Variants in NDUFS8 observed in about 807,000 individuals in gnomAD.
NDUFS8 encodes the protein NADH:ubiquinone oxidoreductase core subunit S8.
Under a neutral mutation model 25.6 loss-of-function variants are expected in NDUFS8, and 13 were observed. The observed-to-expected ratio is 0.51, with a 90% CI of 0.33 to 0.81. The LOEUF (loss-of-function observed/expected upper bound fraction) is 0.81, where lower values mean the gene tolerates loss of function less well. Among genes scored for constraint, NDUFS8 ranks in the 30% least tolerant of loss-of-function variants. The pLI is 0.02. For synonymous variants in NDUFS8, 119 were observed against 119.4 expected (o/e 1.00, Z 0.02); for missense variants, 257 against 300.9 (o/e 0.85, Z 1.08).
rs751553766 is a variant in NDUFS8, at chr11:68,036,561, G to T, written c.601G>T (p.Ala201Ser). The T allele has an allele frequency of 6.2e-7, 1 of 1,614,006 alleles. No homozygotes were observed. Among genetic ancestry groups the T allele is most frequent in the African/African-American group, 1.3e-5 (1 of 75,042 alleles). Residue 201 changes from alanine (A) to serine (S), a missense_variant, in exon 7 of 7, where the codon GCC becomes TCC. Ala to Ser is a moderately conservative substitution (Grantham distance 99). Transcript: ENST00000313468. ...GGACAAGTGGGAGGCCGAGATCGCCGCCAACATCCAGGCTGACTACTTGTA... is the reference window on the plus strand; with the variant it reads ...GGACAAGTGGGAGGCCGAGATCGCCTCCAACATCCAGGCTGACTACTTGTA... ...NGDKWEAEIA[A>S]NIQADYLYR
At chr11:68,033,068 G>A (rs1230701450) in intron 4 of NDUFS8, 43 bp from the exon 5 acceptor site, 8 of 1,613,260 alleles carry the variant, frequency 5.0e-6, no homozygotes, top group Non-Finnish European at 6.8e-6. Flanking sequence ...GGATGCATGG[G>A]GGAGGAGGGT....
intron 5 of NDUFS8, 37 bp downstream of exon 5, chr11:68,033,320 C>A: frequency 6.3e-7 from 1 of 1,584,768 alleles, no homozygotes; most frequent in Non-Finnish European, 8.5e-7. Context: ...ACGCCAGCCC[C>A]TGCCACTGGG....
intron 5 of NDUFS8, chr11:68,035,107 G>C (rs971846592): frequency 6.6e-6 from 1 of 151,930 alleles, no homozygotes. Context: ...TGTAGGCTGC[G>C]AAGTGTCTAA....
rs1854806724 is a variant in NDUFS8, at chr11:68,033,205, G to A, written c.294G>A (p.Glu98=). The change falls in exon 5 of 7, where the codon GAG becomes GAA. Residue 98 remains glutamate (E), a synonymous_variant. Coordinates refer to ENST00000313468, the MANE Select transcript of NDUFS8 (RefSeq NM_002496.4). Reference sequence around the variant, plus strand: ...CGCTGAGCCCTCGCTTCCGTGGGGAGCATGCGCTGCGCCGGTACCCATCCG... The same window carrying A: ...CGCTGAGCCCTCGCTTCCGTGGGGAACATGCGCTGCGCCGGTACCCATCCG... The part of the protein sequence containing the change: ...KGPLSPRFRG[E]HALRRYPSGE... 2.5e-6 allele frequency: 4 copies of A among 1,612,210 alleles called. No individual in the cohort carries two copies. In the East Asian group the frequency reaches 8.9e-5, roughly 36 times the overall value.
chr11:68,036,110 C>T lies in NDUFS8; in HGVS notation c.373-143C>T, dbSNP rs993074217. The T allele has an allele frequency of 6.1e-5, 81 of 1,333,994 alleles. No individual in the cohort carries two copies. In the Middle Eastern group the frequency reaches 7.6e-4, roughly 12 times the overall value. The allele number at this position is 1,333,994 out of a possible 1,614,324, so 82.6% of individuals were successfully genotyped here. ...AGGCGCGAGCACCAGAGGTGCAGGGCGGCCTCTTAGCCGGAGTCCAGGAGG... is the reference window on the plus strand; with the variant it reads ...AGGCGCGAGCACCAGAGGTGCAGGGTGGCCTCTTAGCCGGAGTCCAGGAGG... On this transcript the variant is annotated intron_variant, in intron 5 of 6. Transcript: ENST00000313468.
rs1854890669 is a variant in NDUFS8 at position 68,036,330 on chromosome 11, C to T, written c.450C>T (p.Cys150=). Residue 150 remains cysteine (C), a synonymous_variant, in exon 6 of 7, where the codon TGC becomes TGT. Coordinates refer to ENST00000313468, the MANE Select transcript of NDUFS8 (RefSeq NM_002496.4). ...GCTATGACATCGACATGACCAAGTG[C>T]ATCTACTGCGGCTTCTGCCAGGAGG... is the stretch of plus-strand genomic sequence containing the variant. ...TTRYDIDMTK[C]IYCGFCQEAC... 1 of 1,613,780 alleles carries T rather than the reference C, an allele frequency of 6.2e-7. No homozygotes were observed. Among genetic ancestry groups the T allele is most frequent in the Non-Finnish European group, 8.5e-7 (1 of 1,180,004 alleles).
chr11:68,034,742 G>A (rs1854847307), intron 5 of NDUFS8: 2 of 151,014 alleles, frequency 1.3e-5, no homozygotes, highest in Admixed American at 1.3e-4. Flanking sequence ...TGAACCGGGA[G>A]GTGGGGGTTG....
At chr11:68,034,768 GAAAAAAA>G (rs558072699) in intron 5 of NDUFS8, 1 of 115,854 alleles carries the variant, frequency 8.6e-6, no homozygotes, top group Non-Finnish European at 1.8e-5. Context: ...AGCCAAAATT[GAAAAAAA>G]AAAAAAAAAT....
intron 5 of NDUFS8, chr11:68,033,924 G>A (rs925998540): frequency 6.8e-5 from 11 of 162,018 alleles, no homozygotes; most frequent in African/African-American, 2.6e-4. Flanking sequence ...TCCAGGCCAT[G>A]AGCTGCGGCC....
Position 68,032,317 on chromosome 11 carries a change from T to C in NDUFS8, c.90T>C (p.Ser30=). Residue 30 remains serine (S), a synonymous_variant, in exon 3 of 7, where the codon AGT becomes AGC. Coordinates refer to ENST00000313468, the MANE Select transcript of NDUFS8 (RefSeq NM_002496.4). ...GPPGGRSLHS[S]AVAATYKYVN... is the part of the protein sequence containing the mutation. ...CTGGTGGCCGGAGCCTCCACAGCAG[T>C]GCAGTGGCAGCCACCTACAGTGAGT... 2 of 1,613,612 alleles carry C rather than the reference T, an allele frequency of 1.2e-6. No homozygotes were observed. The highest frequency in any genetic ancestry group is 1.7e-6 in the Non-Finnish European group (2 of 1,179,998).
chr11:68,032,586 C>T, intron 3 of NDUFS8: 1 of 1,357,766 alleles, frequency 7.4e-7, no homozygotes, highest in East Asian at 2.5e-5. Context: ...AGGTGTGAGC[C>T]ATGGGTACCT....
In NDUFS8 at chr11:68,032,351, G is replaced by A. The variant is rs745923537; in HGVS notation, c.109+15G>A. 6.2e-7 allele frequency: 1 copy of A among 1,612,934 alleles called. No individual in the cohort carries two copies. On this transcript the variant is annotated intron_variant, in intron 3 of 6. Coordinates refer to ENST00000313468, the MANE Select transcript of NDUFS8 (RefSeq NM_002496.4). Reference sequence around the variant, plus strand: ...AGCCACCTACAGTGAGTACCTGGGTGGCCTCTAGCCTCAGGTGTTCCTGAC... The same window carrying A: ...AGCCACCTACAGTGAGTACCTGGGTAGCCTCTAGCCTCAGGTGTTCCTGAC...
chr11:68,035,708 G>T (rs527387540), intron 5 of NDUFS8: 202 of 455,052 alleles, frequency 4.4e-4, no homozygotes, highest in African/African-American at 2.3e-3. Context: ...CTTGGCAGAT[G>T]ACGCCAGCAG....
chr11:68,036,627 A>G lies in NDUFS8; in HGVS notation c.*34A>G. 1 of 1,612,170 alleles carries G rather than the reference A, an allele frequency of 6.2e-7. No homozygotes were observed. Among genetic ancestry groups the G allele is most frequent in the Non-Finnish European group, 8.5e-7 (1 of 1,179,786 alleles). ...CGGCCCGCAGCCCCTGCTGCCCAAT[A>G]AAACCACTCCGACCCCACGGCCTCT... On this transcript the variant is annotated 3_prime_UTR_variant, in exon 7 of 7. Coordinates refer to ENST00000313468, the MANE Select transcript of NDUFS8 (RefSeq NM_002496.4).
At chr11:68,032,517 T>C in intron 3 of NDUFS8, 181 bp downstream of exon 3, 3 of 1,506,626 alleles carry the variant, frequency 2.0e-6, no homozygotes, top group Non-Finnish European at 2.7e-6. Context: ...GGTCCATCAT[T>C]GCCGAGGTTA....
At chr11:68,033,478 G>C (rs905347409) in intron 5 of NDUFS8, 195 bp downstream of exon 5, 1 of 743,492 alleles carries the variant, frequency 1.3e-6, no homozygotes, top group Admixed American at 2.2e-5. Flanking sequence ...TGAGTTGGCA[G>C]AGTGAAGCTT....
chr11:68,035,777 T>C (rs1854874464), intron 5 of NDUFS8: 1 of 450,754 alleles, frequency 2.2e-6, no homozygotes, highest in South Asian at 1.6e-5. Context: ...CCCAGCACTT[T>C]GGGAGTCCAA....
chr11:68,030,967 GA>G, intron 1 of NDUFS8: 1 of 438,730 alleles, frequency 2.3e-6, no homozygotes, highest in Non-Finnish European at 4.6e-6. Flanking sequence ...GGAAGGTGGG[GA>G]AGGTGCTGGG....
chr11:68,031,922 C>T (rs763775294), intron 1 of NDUFS8, among the ~76,000 whole-genome samples: 3 of 152,178 alleles, frequency 2.0e-5, no homozygotes, highest in Non-Finnish European at 2.9e-5. Context: ...TTAGGTGAGG[C>T]AGAACTTGGG....
Sources: allele counts gnomAD v4.1 joint callset (sites outside exome capture counted in the v4.1 genomes callset), GRCh38; gene constraint gnomAD v4.1.1; transcripts MANE v1.5; gene names NCBI Gene and HGNC (gene_info 2026-07-23, HGNC 2026-07-21).